TTLL9: variants seen among roughly 807,000 people sequenced by gnomAD.
TTLL9 encodes the protein probable tubulin polyglutamylase TTLL9.
Under a neutral mutation model 65.6 loss-of-function variants are expected in TTLL9, and 47 were observed. The ratio of observed to expected loss-of-function variants is 0.72; its 90% CI spans 0.57 to 0.91. The LOEUF (loss-of-function observed/expected upper bound fraction) is 0.91. Ranked by LOEUF, TTLL9 falls within the 40% of genes least tolerant of loss-of-function variation. The pLI is 0.00. For synonymous variants in TTLL9, 179 were observed against 204.8 expected, an observed-to-expected ratio of 0.87 and a Z score of 1.07; for missense variants, 537 against 568.8, an observed-to-expected ratio of 0.94 and a Z score of 0.57.
Position 31,898,576 on chromosome 20 carries a change from C to T in TTLL9, c.206+11C>T, listed in dbSNP as rs1416681034. ...GGTGGAAGTGAAGGAGTAAGACCCT[C>T]CCCCCAGCCTTGTCCCTCCTTCCCT... On this transcript the variant is annotated intron_variant, in intron 4 of 14. Transcript: ENST00000535842. 6.2e-7 allele frequency: 1 copy of T among 1,609,622 alleles called. No homozygotes were observed. The highest frequency in any genetic ancestry group is 1.7e-5 in the Admixed American group (1 of 59,948).
intron 2 of TTLL9, among the ~76,000 whole-genome samples, chr20:31,876,441 C>T (rs1281943340): frequency 6.6e-6 from 1 of 152,070 alleles, no homozygotes; most frequent in African/African-American, 2.4e-5. Context: ...AGCAAAACTC[C>T]GTCTCAAAAA....
At chr20:31,880,709 G>T (rs1259805354) in intron 2 of TTLL9, among the ~76,000 whole-genome samples, 2 of 151,934 alleles carry the variant, frequency 1.3e-5, no homozygotes, top group Non-Finnish European at 2.9e-5. Flanking sequence ...GCCAGGTCTC[G>T]ATCTCTTGAC....
At chr20:31,900,417 A>G (rs199879500) in intron 4 of TTLL9, among the ~76,000 whole-genome samples, 2 of 152,216 alleles carry the variant, frequency 1.3e-5, no homozygotes, top group Non-Finnish European at 1.5e-5. Flanking sequence ...CTGCAGAGCC[A>G]CAGCCTCATC....
intron 3 of TTLL9, among the ~76,000 whole-genome samples, chr20:31,897,641 G>A (rs1193962235): frequency 6.6e-6 from 1 of 152,192 alleles, no homozygotes; most frequent in Non-Finnish European, 1.5e-5. Flanking sequence ...CTGCAGTGGG[G>A]GTGGGAGGCT....
intron 4 of TTLL9, among the ~76,000 whole-genome samples, chr20:31,903,626 C>T (rs879570868): frequency 6.6e-5 from 10 of 152,038 alleles, no homozygotes; most frequent in South Asian, 2.1e-4. Context: ...TCTAGATCTT[C>T]GATTTAATTT....
chr20:31,897,894 C>T (rs59158138), intron 3 of TTLL9, among the ~76,000 whole-genome samples: 411 of 152,266 alleles, frequency 2.7e-3, no homozygotes, highest in African/African-American at 6.8e-3. Context: ...TTGGCTAGGA[C>T]GGGGTGCTTT....
chr20:31,922,265 A>G (rs1393729527), intron 7 of TTLL9, among the ~76,000 whole-genome samples: 2 of 121,020 alleles, frequency 1.7e-5, no homozygotes, highest in East Asian at 4.1e-4. Flanking sequence ...ACTCATTCTC[A>G]AAAAAAAAAA....
In TTLL9 at chr20:31,922,973, G is replaced by T. The variant is rs757988604; in HGVS notation, c.584G>T (p.Ser195Ile). The change falls in exon 8 of 15, where the codon AGC becomes ATC. Residue 195 changes from serine (S) to isoleucine (I), a missense_variant. Around this residue, in one of 3 missense-constraint regions of TTLL9, gnomAD observed 320 missense variants for 311.0 expected, o/e 1.03. Transcript: ENST00000535842. ...DIVDWRKDTR[S>I]SDDQKDDIPV... is the part of the protein sequence containing the mutation. ...TATTATTACAACTAGGACACAAGAA[G>T]CTCTGACGACCAGAAAGATGATATT... 3.1e-6 allele frequency: 5 copies of T among 1,613,276 alleles called. No homozygotes were observed. The highest frequency in any genetic ancestry group is 1.7e-4 in the Middle Eastern group (1 of 6,060).
intron 3 of TTLL9, among the ~76,000 whole-genome samples, chr20:31,888,330 C>T (rs1003263267): frequency 9.9e-5 from 15 of 152,228 alleles, no homozygotes; most frequent in African/African-American, 2.4e-4. Context: ...TCAAATCTCT[C>T]ACTCTCTTAT....
chr20:31,934,576 T>G, intron 11 of TTLL9, 116 bp from the exon 12 acceptor site: 1 of 965,370 alleles, frequency 1.0e-6, no homozygotes, highest in Non-Finnish European at 1.5e-6. Flanking sequence ...GGCTCAGGGC[T>G]GGGCCCCTCT....
chr20:31,931,255 T>C (rs1186312212), intron 10 of TTLL9, among the ~76,000 whole-genome samples: 1 of 151,846 alleles, frequency 6.6e-6, no homozygotes, highest in East Asian at 1.9e-4. Context: ...AATTTTTAAA[T>C]TTTTTATAGA....
chr20:31,936,543 C>T (rs985769789), intron 12 of TTLL9, among the ~76,000 whole-genome samples: 2 of 152,104 alleles, frequency 1.3e-5, no homozygotes, highest in African/African-American at 4.8e-5. Context: ...GACTCACATT[C>T]CCACAGGGCG....
At chr20:31,937,271 G>A in intron 12 of TTLL9, 125 bp from the exon 13 acceptor site, 1 of 623,744 alleles carries the variant, frequency 1.6e-6, no homozygotes, top group Non-Finnish European at 2.8e-6. Flanking sequence ...AAAATAGAAA[G>A]GTAGAGAGAG....
intron 2 of TTLL9, among the ~76,000 whole-genome samples, chr20:31,880,149 C>T (rs901484051): frequency 6.6e-6 from 1 of 152,124 alleles, no homozygotes; most frequent in African/African-American, 2.4e-5. Flanking sequence ...TCCCGCGAGC[C>T]CGGCCAGCTG....
chr20:31,883,533 G>C (rs2063147437), intron 2 of TTLL9, among the ~76,000 whole-genome samples: 2 of 152,104 alleles, frequency 1.3e-5, no homozygotes, highest in Non-Finnish European at 2.9e-5. Context: ...AGGCTAATCT[G>C]AGAAATGCTT....
rs749995243 is a variant in TTLL9, at chr20:31,934,675, G to A, written c.808-17G>A. 7.5e-6 allele frequency: 12 copies of A among 1,600,346 alleles called. No individual in the cohort carries two copies. Among genetic ancestry groups the A allele is most frequent in the African/African-American group, 6.7e-5 (5 of 74,648 alleles). On this transcript the variant is annotated splice_polypyrimidine_tract_variant and intron_variant, in intron 11 of 14. Transcript: ENST00000535842. ...CTAACTGAGGCTCCTCTCTCGACCC[G>A]GCTGCCCGGGGCCCAGGGCTGCAAG... is the stretch of plus-strand genomic sequence containing the variant.
chr20:31,933,322 C>G (rs2064052058), intron 10 of TTLL9, among the ~76,000 whole-genome samples: 1 of 152,020 alleles, frequency 6.6e-6, no homozygotes, highest in Non-Finnish European at 1.5e-5. Context: ...AGTGGCCGCC[C>G]AGCCTGGACC....
intron 3 of TTLL9, 43 bp from the exon 4 acceptor site, chr20:31,898,428 GAA>G (rs2063417924): frequency 6.3e-7 from 1 of 1,578,300 alleles, no homozygotes; most frequent in Non-Finnish European, 8.7e-7. Flanking sequence ...GCCATCCTAG[GAA>G]AATCATTGAT....
chr20:31,910,013 C>A, intron 6 of TTLL9, 91 bp downstream of exon 6: 2 of 1,300,958 alleles, frequency 1.5e-6, no homozygotes, highest in Non-Finnish European at 2.2e-6. Context: ...GGGAATTCAG[C>A]CTTAGATGCT....
Sources: allele counts gnomAD v4.1 joint callset (sites outside exome capture counted in the v4.1 genomes callset), GRCh38; gene constraint gnomAD v4.1.1; regional missense constraint gnomAD v4.1.1; transcripts MANE v1.5; gene names NCBI Gene and HGNC (gene_info 2026-07-23, HGNC 2026-07-21).